The following KLF8 variants were observed in gnomAD, a reference collection of about 807,000 sequenced individuals.
KLF8 encodes the protein Krueppel-like factor 8.
KLF8 carries 10 observed loss-of-function variants against 18.2 expected under a neutral mutation model. The ratio of observed to expected loss-of-function variants is 0.55; its 90% CI spans 0.34 to 0.93. The LOEUF (loss-of-function observed/expected upper bound fraction) is 0.93, where lower values mean the gene tolerates loss of function less well. KLF8 is among the 40% of genes least tolerant of loss of function. KLF8 has a pLI of 0.02. For missense variants in KLF8, 264 were observed against 277.9 expected, an observed-to-expected ratio of 0.95 and a Z score of 0.36; for synonymous variants, 109 against 97.3, an observed-to-expected ratio of 1.12 and a Z score of -0.71.
the KLF8 span, among the ~76,000 whole-genome samples, chrX:56,136,757 A>T: frequency 9.0e-3 from 1,000 of 111,022 alleles, 5 homozygotes; most frequent in Non-Finnish European, 0.011. Flanking sequence ...GACAAATGGG[A>T]TCTAATTAAA....
At chrX:56,203,376 G>A in the KLF8 span, among the ~76,000 whole-genome samples, 6 of 112,189 alleles carry the variant, frequency 5.3e-5, no homozygotes, top group African/African-American at 1.6e-4. Context: ...TCTGTGGGTC[G>A]TTTCTTCACT....
the KLF8 span, among the ~76,000 whole-genome samples, chrX:55,924,131 G>T: frequency 2.7e-5 from 3 of 111,344 alleles, no homozygotes; most frequent in Non-Finnish European, 3.8e-5. Context: ...GTGCAGTGGC[G>T]CGATCTCAGC....
At chrX:55,997,015 A>T in the KLF8 span, among the ~76,000 whole-genome samples, 1 of 111,267 alleles carries the variant, frequency 9.0e-6, no homozygotes, top group South Asian at 3.8e-4. Flanking sequence ...CAGTGGGGGG[A>T]GGCTGTGAGC....
At chrX:56,135,245 T>G in the KLF8 span, among the ~76,000 whole-genome samples, 1 of 111,454 alleles carries the variant, frequency 9.0e-6, no homozygotes, top group African/African-American at 3.3e-5. Context: ...TAAAGACACA[T>G]GCACACGTAT....
At chrX:56,012,800 T>C in the KLF8 span, among the ~76,000 whole-genome samples, 1 of 111,421 alleles carries the variant, frequency 9.0e-6, no homozygotes, top group Non-Finnish European at 1.9e-5. Flanking sequence ...AATTTATAGA[T>C]TCAGTGCTAT....
the KLF8 span, among the ~76,000 whole-genome samples, chrX:56,027,466 C>T: frequency 1.4e-4 from 16 of 112,201 alleles, no homozygotes; most frequent in South Asian, 7.4e-4. Flanking sequence ...TTATATAATG[C>T]CCCATGTACT....
the KLF8 span, among the ~76,000 whole-genome samples, chrX:56,207,112 C>A: frequency 8.9e-6 from 1 of 112,566 alleles, no homozygotes; most frequent in Non-Finnish European, 1.9e-5. Flanking sequence ...CACAAAGCAG[C>A]AAGGCCCTGG....
chrX:56,186,888 A>T, the KLF8 span, among the ~76,000 whole-genome samples: 9 of 112,226 alleles, frequency 8.0e-5, no homozygotes, highest in Non-Finnish European at 1.5e-4. Flanking sequence ...GTGTAGAAGG[A>T]AATTTATAGC....
the KLF8 span, among the ~76,000 whole-genome samples, chrX:56,049,662 G>A: frequency 2.9e-5 from 3 of 102,537 alleles, no homozygotes; most frequent in Non-Finnish European, 5.9e-5. Context: ...TGCTGGATTC[G>A]GTTTGCCAGT....
At chrX:56,154,917 A>G in the KLF8 span, among the ~76,000 whole-genome samples, 1 of 112,240 alleles carries the variant, frequency 8.9e-6, no homozygotes, top group East Asian at 2.8e-4. Flanking sequence ...ACCATCTCAC[A>G]CCAGTTAGAA....
the KLF8 span, among the ~76,000 whole-genome samples, chrX:56,167,172 C>T: frequency 9.0e-6 from 1 of 111,404 alleles, no homozygotes; most frequent in Non-Finnish European, 1.9e-5. Context: ...GTTCTGTCGT[C>T]TAGGCTGAAG....
At chrX:56,093,770 A>C in the KLF8 span, among the ~76,000 whole-genome samples, 4 of 111,168 alleles carry the variant, frequency 3.6e-5, no homozygotes, top group Admixed American at 2.9e-4. Flanking sequence ...CAAATGCAGT[A>C]CAATAATGTT....
At chrX:55,911,650 G>A in the KLF8 span, among the ~76,000 whole-genome samples, 1 of 111,551 alleles carries the variant, frequency 9.0e-6, no homozygotes, top group African/African-American at 3.3e-5. Context: ...TGCGAGGAAG[G>A]GAATTGAGAG....
the KLF8 span, among the ~76,000 whole-genome samples, chrX:56,189,622 A>G: frequency 4.5e-5 from 5 of 111,062 alleles, no homozygotes; most frequent in Non-Finnish European, 9.4e-5. Context: ...AACCAAGCCA[A>G]ATGTCCAACA....
chrX:55,956,703 C>T, the KLF8 span, among the ~76,000 whole-genome samples: 1 of 112,129 alleles, frequency 8.9e-6, no homozygotes, highest in Non-Finnish European at 1.9e-5. Flanking sequence ...ATTTGTTTAT[C>T]ATCTTTGGAG....
chrX:56,071,191 T>G, the KLF8 span, among the ~76,000 whole-genome samples: 2 of 111,624 alleles, frequency 1.8e-5, no homozygotes, highest in African/African-American at 6.5e-5. Flanking sequence ...AGACTGAATT[T>G]GAGATATGAA....
rs2067306866 is a variant in KLF8 at position 56,290,035 on chromosome X, C to T, written c.*5541C>T. On this transcript the variant is annotated 3_prime_UTR_variant, in exon 6 of 6. Transcript: ENST00000468660. ...ATGAGGTACTGTAGAGGGATGGATACAGAAGGAACTGGGTGGGCCAAATTT... is the reference window on the plus strand; with the variant it reads ...ATGAGGTACTGTAGAGGGATGGATATAGAAGGAACTGGGTGGGCCAAATTT... 8.9e-6 allele frequency among the ~76,000 whole-genome samples: 1 copy of T among 111,765 alleles called. No individual in the cohort carries two copies. Among genetic ancestry groups the T allele is most frequent in the Admixed American group, 9.5e-5 (1 of 10,531 alleles).
At chrX:56,177,151 G>A in the KLF8 span, among the ~76,000 whole-genome samples, 1 of 111,836 alleles carries the variant, frequency 8.9e-6, no homozygotes. Flanking sequence ...GTGAGGAGCT[G>A]CATTCCTTTG....
the KLF8 span, among the ~76,000 whole-genome samples, chrX:56,174,909 G>T: frequency 8.9e-6 from 1 of 111,755 alleles, no homozygotes; most frequent in African/African-American, 3.3e-5. Flanking sequence ...ATTCTCTGAT[G>T]GTAGTCTGTA....
Sources: allele counts gnomAD v4.1 joint callset (sites outside exome capture counted in the v4.1 genomes callset), GRCh38; gene constraint gnomAD v4.1.1; transcripts MANE v1.5; gene names NCBI Gene and HGNC (gene_info 2026-07-23, HGNC 2026-07-21).